PRSS33: variants seen among roughly 807,000 people sequenced by gnomAD.
The protein encoded by PRSS33 is protease, serine 33.
PRSS33 carries 32 observed loss-of-function variants against 26.7 expected under a neutral mutation model. The observed-to-expected ratio is 1.20, with a 90% CI of 0.90 to 1.61. The LOEUF (loss-of-function observed/expected upper bound fraction) is 1.61, where lower values mean the gene tolerates loss of function less well. Among genes scored for constraint, PRSS33 ranks in the 40% most tolerant of loss-of-function variants. The pLI is 0.00. For missense variants in PRSS33, 450 were observed against 396.3 expected (o/e 1.14, Z -1.15); for synonymous variants, 192 against 177.6 (o/e 1.08, Z -0.64).
chr16:2,785,876 C>T lies in PRSS33; in HGVS notation c.165G>A (p.Gln55=). 2 of 1,610,204 alleles carry T rather than the reference C, an allele frequency of 1.2e-6. No homozygotes were observed. Among genetic ancestry groups the T allele is most frequent in the Non-Finnish European group, 1.7e-6 (2 of 1,179,160 alleles). The change falls in exon 4 of 7, where the codon CAG becomes CAA. Residue 55 remains glutamine (Q), a synonymous_variant. Transcript: ENST00000682474. ...CCCCGCACACGTGTGCCCCACGATG[C>T]TGGATGCTCGCCTGCCACGGCCACT... The part of the protein sequence containing the change: ...DGEWPWQASI[Q]HRGAHVCGGS...
chr16:2,784,426 T>C lies in PRSS33; in HGVS notation c.*218A>G, dbSNP rs993557548. ...GGGGAGTGTGACTCCCTGGGACTCA[T>C]GGCAGATTCCTGGATGAGGGTTGGT... On this transcript the variant is annotated 3_prime_UTR_variant, in exon 7 of 7. Coordinates refer to ENST00000682474, the MANE Select transcript of PRSS33 (RefSeq NM_152891.3). 6 of 462,192 alleles carry C rather than the reference T, an allele frequency of 1.3e-5. No homozygotes were observed. The highest frequency in any genetic ancestry group is 2.3e-5 in the Non-Finnish European group (6 of 258,282). 28.6% of individuals were successfully genotyped at this position (462,192 alleles called of 1,614,324 possible). A position where few individuals can be genotyped will look rare whatever the true frequency, so the allele number is the denominator to read the frequency against.
At chr16:2,785,235 GCT>G in intron 5 of PRSS33, 64 bp from the exon 6 acceptor site, 1 of 1,469,660 alleles carries the variant, frequency 6.8e-7, no homozygotes, top group South Asian at 1.3e-5. Context: ...GAGAAGCTGA[GCT>G]CTGAGTGAGA....
chr16:2,785,743 C>T, intron 4 of PRSS33, 56 bp downstream of exon 4: 1 of 1,511,236 alleles, frequency 6.6e-7, no homozygotes, highest in Non-Finnish European at 8.8e-7. Context: ...ACGCCCGGTC[C>T]TCTGCGGGCC....
intron 6 of PRSS33, 25 bp downstream of exon 6, chr16:2,784,977 G>A: frequency 6.3e-7 from 1 of 1,592,572 alleles, no homozygotes. Flanking sequence ...GGGGACTCCG[G>A]AGGCTGGGGA....
rs776240888 is a variant in PRSS33 at position 2,784,293 on chromosome 16, GA to G, written c.*350del. 4.1e-4 allele frequency: 73 copies of G among 178,078 alleles called. No individual in the cohort carries two copies. The highest frequency in any genetic ancestry group is 7.4e-4 in the Non-Finnish European group (63 of 84,852). The allele number at this position is 178,078 out of a possible 1,614,324, so 11.0% of individuals were successfully genotyped here. A position where few individuals can be genotyped will look rare whatever the true frequency, so the allele number is the denominator to read the frequency against. ...GTGAATCTGACTTTCTCCAGAAAAA[GA>G]TGGGCACACAGGCCAGATGGGCAGC... On this transcript the variant is annotated 3_prime_UTR_variant, in exon 7 of 7. Coordinates refer to ENST00000682474, the MANE Select transcript of PRSS33 (RefSeq NM_152891.3).
chr16:2,787,532 C>T lies in PRSS33; in HGVS notation c.-58+1G>A, dbSNP rs140117712. Among the ~76,000 whole-genome samples, 201 of 147,890 alleles carry T rather than the reference C, an allele frequency of 1.4e-3. 1 individual carries two copies. The highest frequency in any genetic ancestry group is 0.01 in the Middle Eastern group (3 of 294). ...CCCCACAGCCCCTGGCTTGCTCTCA[C>T]CCTCACAGCCTGGCGCCTTCTGCTG... On this transcript the variant is annotated splice_donor_variant, in intron 1 of 6. Transcript: ENST00000682474. LOFTEE classifies it low-confidence loss of function (5UTR_SPLICE).
Position 2,785,843 on chromosome 16 carries a change from G to A in PRSS33, c.198C>T (p.Leu66=). 1 of 1,607,010 alleles carries A rather than the reference G, an allele frequency of 6.2e-7. No homozygotes were observed. Among genetic ancestry groups the A allele is most frequent in the African/African-American group, 1.3e-5 (1 of 74,978 alleles). Residue 66 remains leucine (L), a synonymous_variant, in exon 4 of 7, where the codon CTC becomes CTT. Transcript: ENST00000682474. ...CTGTCAGCACCCACTGGGGGGCGAT[G>A]AGCGACCCCCCGCACACGTGTGCCC... The part of the protein sequence containing the change: ...HRGAHVCGGS[L]IAPQWVLTAA...
rs7202954 is a variant in PRSS33 at position 2,785,578 on chromosome 16, G to T, written c.311C>A (p.Thr104Lys). Reference sequence around the variant, plus strand: ...CACCCGTCGCACGGGCACCGAGAGCGTGCGGGGCGAGGTGGAGCCCAGACG... The same window carrying T: ...CACCCGTCGCACGGGCACCGAGAGCTTGCGGGGCGAGGTGGAGCCCAGACG... ...ALRLGSTSPR[T>K]LSVPVRRVLL... is the part of the protein sequence containing the mutation. The change falls in exon 5 of 7, where the codon ACG becomes AAG. Residue 104 changes from threonine (T) to lysine (K), a missense_variant. Coordinates refer to ENST00000682474, the MANE Select transcript of PRSS33 (RefSeq NM_152891.3). 2 of 1,525,032 alleles carry T rather than the reference G, an allele frequency of 1.3e-6. No homozygotes were observed. Among genetic ancestry groups the T allele is most frequent in the Non-Finnish European group, 1.7e-6 (2 of 1,143,398 alleles). The allele number at this position is 1,525,032 out of a possible 1,614,324, so 94.5% of individuals were successfully genotyped here.
chr16:2,784,849 G>T, intron 6 of PRSS33, 47 bp from the exon 7 acceptor site: 3 of 1,556,358 alleles, frequency 1.9e-6, no homozygotes, highest in Non-Finnish European at 2.6e-6. Context: ...CAGGACTTCA[G>T]TTCTCAGGGT....
At position 2,784,656 on chromosome 16, in the gene PRSS33, G is replaced by A. The variant is rs199804308; in HGVS notation, c.831C>T (p.Arg277=). 5,203 of 1,596,568 alleles carry A rather than the reference G, an allele frequency of 3.3e-3. 16 individuals are homozygous for A. The highest frequency in any genetic ancestry group is 4.0e-3 in the Non-Finnish European group (4,664 of 1,171,078). The stretch of plus-strand genomic sequence containing the variant: ...TCACCGGCTAGCATTAGAAGCTGAC[G>A]CGAGCCTGAATCCAGGGGCTATATG... The part of the protein sequence containing the change: ...VATYSPWIQA[R]VSF The change falls in exon 7 of 7, where the codon CGC becomes CGT. Residue 277 remains arginine (R), a synonymous_variant. Coordinates refer to ENST00000682474, the MANE Select transcript of PRSS33 (RefSeq NM_152891.3).
At chr16:2,786,626 G>A in intron 1 of PRSS33, 22 bp from the exon 2 acceptor site, 2 of 1,549,040 alleles carry the variant, frequency 1.3e-6, no homozygotes, top group Non-Finnish European at 1.8e-6. Context: ...AGGGAGAAGA[G>A]AGGAGAGTCC....
At position 2,786,499 on chromosome 16, in the gene PRSS33, C is replaced by T. The variant is rs766603085; in HGVS notation, c.46+3G>A. 3.5e-5 allele frequency: 56 copies of T among 1,613,356 alleles called. No homozygotes were observed. Among genetic ancestry groups the T allele is most frequent in the Non-Finnish European group, 4.7e-5 (55 of 1,179,756 alleles). The stretch of plus-strand genomic sequence containing the variant: ...CTCACCCCCAGTCCCTGTCCCCACT[C>T]ACCCAGCACCAGAAGGAGCAGGACC... On this transcript the variant is annotated splice_donor_region_variant and intron_variant, in intron 2 of 6. Transcript: ENST00000682474.
chr16:2,785,456 C>CG lies in PRSS33; in HGVS notation c.432dup (p.Val145ArgfsTer63), dbSNP rs747891107. 10 of 1,501,980 alleles carry CG rather than the reference C, an allele frequency of 6.7e-6. No homozygotes were observed. Among genetic ancestry groups the CG allele is most frequent in the Non-Finnish European group, 8.8e-6 (10 of 1,134,832 alleles). 93.0% of individuals were successfully genotyped at this position (1,501,980 alleles called of 1,614,324 possible). A position where few individuals can be genotyped will look rare whatever the true frequency, so the allele number is the denominator to read the frequency against. Reference sequence around the variant, plus strand: ...CGGGCGCCGGGCACGGGCAGGCAGACGGGTTGGACGCGAGCGCTCAGGGGC... The same window carrying CG: ...CGGGCGCCGGGCACGGGCAGGCAGACGGGGTTGGACGCGAGCGCTCAGGGGC... On this transcript the variant is annotated frameshift_variant, in exon 5 of 7. Coordinates refer to ENST00000682474, the MANE Select transcript of PRSS33 (RefSeq NM_152891.3). LOFTEE classifies it high-confidence loss of function.
At chr16:2,785,277 G>A in intron 5 of PRSS33, 98 bp downstream of exon 5, 2 of 1,445,774 alleles carry the variant, frequency 1.4e-6, no homozygotes, top group Non-Finnish European at 1.8e-6. Flanking sequence ...AGCCGCGCTG[G>A]GTCCTGGATT....
rs760138836 is a variant in PRSS33 at position 2,785,943 on chromosome 16, A to G, written c.98T>C (p.Met33Thr). The change falls in exon 4 of 7, where the codon ATG becomes ACG. Residue 33 changes from methionine (M) to threonine (T), a missense_variant. Coordinates refer to ENST00000682474, the MANE Select transcript of PRSS33 (RefSeq NM_152891.3). ...RKSAACGQPR[M>T]SSRIVGGRDG... Reference sequence around the variant, plus strand: ...CCGGCCCCCAACGATCCGACTGGACATGCGGGGCTGCCCGCAGGCTAGAAA... The same window carrying G: ...CCGGCCCCCAACGATCCGACTGGACGTGCGGGGCTGCCCGCAGGCTAGAAA... The G allele has an allele frequency of 2.5e-6, 4 of 1,612,604 alleles. No individual in the cohort carries two copies. Among genetic ancestry groups the G allele is most frequent in the African/African-American group, 2.7e-5 (2 of 74,948 alleles).
Position 2,786,908 on chromosome 16 carries a change from C to A in PRSS33, c.-57-304G>T, listed in dbSNP as rs532599075. The A allele has an allele frequency of 3.7e-4, 54 of 145,396 alleles. 1 individual carries two copies. Among genetic ancestry groups the A allele is most frequent in the African/African-American group, 1.6e-3 (49 of 30,052 alleles). The allele number at this position is 145,396 out of a possible 1,614,324, so 9.0% of individuals were successfully genotyped here. ...CTCACCCCCTCCCTCATCCTCACCC[C>A]CTCCCTCATCCTCACTCCCTCCTCC... On this transcript the variant is annotated intron_variant, in intron 1 of 6. Transcript: ENST00000682474.
chr16:2,786,271 C>A, intron 2 of PRSS33, 150 bp from the exon 3 acceptor site: 1 of 857,188 alleles, frequency 1.2e-6, no homozygotes, highest in South Asian at 1.5e-5. Flanking sequence ...TTATTTAACC[C>A]TCCCCAGAGC....
chr16:2,785,661 C>G lies in PRSS33; in HGVS notation c.243-15G>C, dbSNP rs1009159264. 13 of 1,473,896 alleles carry G rather than the reference C, an allele frequency of 8.8e-6. No individual in the cohort carries two copies. Among genetic ancestry groups the G allele is most frequent in the Admixed American group, 4.9e-5 (2 of 41,100 alleles). The allele number at this position is 1,473,896 out of a possible 1,614,324, so 91.3% of individuals were successfully genotyped here. A position where few individuals can be genotyped will look rare whatever the true frequency, so the allele number is the denominator to read the frequency against. On this transcript the variant is annotated splice_polypyrimidine_tract_variant and intron_variant, in intron 4 of 6. Coordinates refer to ENST00000682474, the MANE Select transcript of PRSS33 (RefSeq NM_152891.3). Reference sequence around the variant, plus strand: ...GCAGTGCCCTCCTGCAGGACAGGAGCGGGGGACTACTTCCAGCACCGGGTC... The same window carrying G: ...GCAGTGCCCTCCTGCAGGACAGGAGGGGGGGACTACTTCCAGCACCGGGTC...
intron 1 of PRSS33, 81 bp from the exon 2 acceptor site, chr16:2,786,685 T>C: frequency 1.1e-6 from 1 of 922,480 alleles, no homozygotes. Flanking sequence ...CCCTCCGTGG[T>C]CCTTCTGTCT....
Sources: gnomAD v4.1 joint callset for allele counts (sites outside exome capture counted in the v4.1 genomes callset) on GRCh38, gnomAD v4.1.1 for gene constraint, MANE v1.5 for transcripts, NCBI Gene and HGNC (gene_info 2026-07-23, HGNC 2026-07-21) for gene names.